FNTB: variants seen among roughly 807,000 people sequenced by gnomAD.
FNTB encodes protein farnesyltransferase subunit beta.
In FNTB, 27 loss-of-function variants were observed where a neutral mutation model predicts 59.4. The ratio of observed to expected loss-of-function variants is 0.45; its 90% confidence interval spans 0.34 to 0.63. FNTB has a LOEUF of 0.63. Ranked by LOEUF, FNTB falls within the 20% of genes least tolerant of loss-of-function variation. FNTB has a pLI of 0.02. For missense variants in FNTB, 449 were observed against 559.6 expected, an observed-to-expected ratio of 0.80 and a Z score of 1.99; for synonymous variants, 230 against 220.7, an observed-to-expected ratio of 1.04 and a Z score of -0.37.
rs1445053594 is a variant in FNTB at position 65,037,735 on chromosome 14, T to C, written c.693-3055T>C. Among the ~76,000 whole-genome samples the C allele has an allele frequency of 1.1e-4, 8 of 74,304 alleles. 1 individual carries two copies. The East Asian group carries it at 4.3e-3, about 40-fold the overall frequency. 48.7% of individuals were successfully genotyped at this position (74,304 alleles called of 152,430 possible). A position where few individuals can be genotyped will look rare whatever the true frequency, so the allele number is the denominator to read the frequency against. ...CCACCATGCCCAGCCTCTTATTTAT[T>C]TATTTATTATTTATTTATTTATTTA... On this transcript the variant is annotated intron_variant, in intron 7 of 11. Coordinates refer to ENST00000246166, the MANE Select transcript of FNTB (RefSeq NM_002028.4).
At chr14:65,022,699 T>C (rs1438795270) in intron 4 of FNTB, among the ~76,000 whole-genome samples, 2 of 152,200 alleles carry the variant, frequency 1.3e-5, no homozygotes, top group African/African-American at 4.8e-5. Context: ...TAGTCATTTT[T>C]ACAACTCTCA....
rs967464380 is a variant in FNTB, at chr14:65,058,898, G to A, written c.1183-2283G>A. On this transcript the variant is annotated intron_variant, in intron 11 of 11. Coordinates refer to ENST00000246166, the MANE Select transcript of FNTB (RefSeq NM_002028.4). Reference sequence around the variant, plus strand: ...TAGTACTTTTATTTAGGATTTTTTTGCATGTACATTCATAAGAAAGATTGA... The same window carrying A: ...TAGTACTTTTATTTAGGATTTTTTTACATGTACATTCATAAGAAAGATTGA... 4.6e-5 allele frequency among the ~76,000 whole-genome samples: 7 copies of A among 152,000 alleles called. No individual in the cohort carries two copies. In the East Asian group the frequency reaches 1.3e-3, roughly 29 times the overall value.
intron 4 of FNTB, among the ~76,000 whole-genome samples, chr14:65,018,195 G>C (rs1175274421): frequency 6.6e-6 from 1 of 152,022 alleles, no homozygotes; most frequent in East Asian, 1.9e-4. Context: ...AATAAAAATA[G>C]CTGGGCGTGG....
intron 9 of FNTB, among the ~76,000 whole-genome samples, chr14:65,049,553 G>A (rs1395599316): frequency 6.6e-6 from 1 of 152,188 alleles, no homozygotes; most frequent in Admixed American, 6.5e-5. Flanking sequence ...GAAGCTCCTT[G>A]TAGAGCTTTT....
In FNTB at chr14:65,046,466, C is replaced by G. The variant is rs1421507895; in HGVS notation, c.955+2023C>G. ...CAGGAGCACCACCTGTCAAAGTCTT[C>G]CAGGGGGGCTGCTGGTTAATTGTTT... On this transcript the variant is annotated intron_variant, in intron 9 of 11. Coordinates refer to ENST00000246166, the MANE Select transcript of FNTB (RefSeq NM_002028.4). 2.6e-5 allele frequency among the ~76,000 whole-genome samples: 4 copies of G among 152,194 alleles called. No individual in the cohort carries two copies. In the South Asian group the frequency reaches 8.3e-4, roughly 32 times the overall value.
intron 4 of FNTB, among the ~76,000 whole-genome samples, chr14:65,021,012 G>C (rs2061876712): frequency 6.6e-6 from 1 of 152,170 alleles, no homozygotes; most frequent in South Asian, 2.1e-4. Flanking sequence ...TTACAGATGT[G>C]AGCCACCGCA....
At chr14:65,053,990 C>T (rs1340309707) in intron 10 of FNTB, among the ~76,000 whole-genome samples, 4 of 152,128 alleles carry the variant, frequency 2.6e-5, no homozygotes, top group Non-Finnish European at 5.9e-5. Context: ...TTCCAGAAGA[C>T]AGCTGGAGAG....
Position 65,032,454 on chromosome 14 carries a change from C to T in FNTB, c.606-156C>T. ...TATCCAAATAGAATGTCACACCTCT[C>T]AGTTGGAGACCCAGGAGGACTGACC... On this transcript the variant is annotated intron_variant, in intron 6 of 11. Coordinates refer to ENST00000246166, the MANE Select transcript of FNTB (RefSeq NM_002028.4). This position sits in a 1 kb window ranked among gnomAD's most constrained non-coding sequence, Gnocchi z 5.0. 1 of 613,282 alleles carries T rather than the reference C, an allele frequency of 1.6e-6. No individual in the cohort carries two copies. Among genetic ancestry groups the T allele is most frequent in the Non-Finnish European group, 2.7e-6 (1 of 377,042 alleles). The allele number at this position is 613,282 out of a possible 1,614,324, so 38.0% of individuals were successfully genotyped here.
intron 9 of FNTB, among the ~76,000 whole-genome samples, chr14:65,050,867 T>C (rs1367745668): frequency 6.6e-6 from 1 of 152,216 alleles, no homozygotes; most frequent in East Asian, 1.9e-4. Flanking sequence ...AAAATAATCT[T>C]AAGCATACAT....
intron 4 of FNTB, among the ~76,000 whole-genome samples, chr14:65,019,825 A>T (rs2061852652): frequency 6.6e-6 from 1 of 152,264 alleles, no homozygotes; most frequent in Non-Finnish European, 1.5e-5. Context: ...CCATAAGGAA[A>T]TAGATTATTT....
chr14:65,056,123 GTTGC>G, intron 11 of FNTB, among the ~76,000 whole-genome samples: 1 of 152,258 alleles, frequency 6.6e-6, no homozygotes, highest in East Asian at 1.9e-4. Flanking sequence ...CAATATAACA[GTTGC>G]TTGCATGTTT....
chr14:65,040,210 A>G (rs8020734), intron 7 of FNTB, among the ~76,000 whole-genome samples: 29,167 of 150,656 alleles, frequency 0.19, 4,686 homozygotes, highest in African/African-American at 0.43. Context: ...AGAATCAACA[A>G]TCACTCTTTA....
chr14:65,049,028 G>A (rs1048815821), intron 9 of FNTB, among the ~76,000 whole-genome samples: 8 of 152,102 alleles, frequency 5.3e-5, no homozygotes, highest in African/African-American at 1.9e-4. Context: ...TCAGGAGGCT[G>A]AGGCAGGAGA....
rs551299430 is a variant in FNTB, at chr14:65,010,783, C to T, written c.210-1534C>T. Among the ~76,000 whole-genome samples the T allele has an allele frequency of 2.6e-5, 4 of 152,264 alleles. No individual in the cohort carries two copies. The East Asian group carries it at 5.8e-4, about 22-fold the overall frequency. ...TTTGTTTTTAAACTGGGGCAGTACTCCTGCTTTCCTCCCATTCCTCTTTCA... is the reference window on the plus strand; with the variant it reads ...TTTGTTTTTAAACTGGGGCAGTACTTCTGCTTTCCTCCCATTCCTCTTTCA... On this transcript the variant is annotated intron_variant, in intron 2 of 11. Coordinates refer to ENST00000246166, the MANE Select transcript of FNTB (RefSeq NM_002028.4).
Position 65,061,861 on chromosome 14 carries a change from G to A in FNTB, c.*549G>A, listed in dbSNP as rs1415202884. 6.4e-6 allele frequency: 1 copy of A among 155,216 alleles called. No individual in the cohort carries two copies. Among genetic ancestry groups the A allele is most frequent in the East Asian group, 1.9e-4 (1 of 5,308 alleles). 9.6% of individuals were successfully genotyped at this position (155,216 alleles called of 1,614,324 possible). A position where few individuals can be genotyped will look rare whatever the true frequency, so the allele number is the denominator to read the frequency against. Reference sequence around the variant, plus strand: ...TCATTTGTAAGGGAAAAGAGCTGGAGGTGGGGAGAGAAAGATCTCCTTCAG... The same window carrying A: ...TCATTTGTAAGGGAAAAGAGCTGGAAGTGGGGAGAGAAAGATCTCCTTCAG... On this transcript the variant is annotated 3_prime_UTR_variant, in exon 12 of 12. Transcript: ENST00000246166.
chr14:65,006,221 C>T (rs1465938839), intron 2 of FNTB: 1 of 1,580,148 alleles, frequency 6.3e-7, no homozygotes, highest in Non-Finnish European at 8.6e-7. Context: ...TGGCAGAAAA[C>T]AGTTGGAAAA....
chr14:65,035,826 G>A (rs555430451), intron 7 of FNTB, among the ~76,000 whole-genome samples: 13 of 151,300 alleles, frequency 8.6e-5, no homozygotes, highest in Admixed American at 4.6e-4. Context: ...GAGCCACTGC[G>A]CCCAGCTTTT....
At chr14:65,050,625 T>C (rs2062585690) in intron 9 of FNTB, among the ~76,000 whole-genome samples, 1 of 152,096 alleles carries the variant, frequency 6.6e-6, no homozygotes, top group African/African-American at 2.4e-5. Flanking sequence ...ATGCTGGAGG[T>C]GGTATAGCAA....
chr14:65,032,221 C>T lies in FNTB; in HGVS notation c.606-389C>T, dbSNP rs903002137. Reference sequence around the variant, plus strand: ...CAGAAATCCTGGCTCTGAAACAGTACTAACATCCAAATGAATGAGCATATC... The same window carrying T: ...CAGAAATCCTGGCTCTGAAACAGTATTAACATCCAAATGAATGAGCATATC... On this transcript the variant is annotated intron_variant, in intron 6 of 11. Coordinates refer to ENST00000246166, the MANE Select transcript of FNTB (RefSeq NM_002028.4). This position sits in a 1 kb window ranked among gnomAD's most constrained non-coding sequence, Gnocchi z 5.0. The T allele has an allele frequency of 6.2e-6, 1 of 161,838 alleles. No homozygotes were observed. Among genetic ancestry groups the T allele is most frequent in the African/African-American group, 2.4e-5 (1 of 41,678 alleles). The allele number at this position is 161,838 out of a possible 1,614,324, so 10.0% of individuals were successfully genotyped here. A position where few individuals can be genotyped will look rare whatever the true frequency, so the allele number is the denominator to read the frequency against.
Sources: gnomAD v4.1 joint callset for allele counts (sites outside exome capture counted in the v4.1 genomes callset) on GRCh38, gnomAD v4.1.1 for gene constraint, Gnocchi (gnomAD v3.1) non-coding constraint, MANE v1.5 for transcripts, NCBI Gene and HGNC (gene_info 2026-07-23, HGNC 2026-07-21) for gene names.